TTLL5: variants seen among roughly 807,000 people sequenced by gnomAD.
TTLL5 encodes the protein tubulin tyrosine ligase like 5, also known as tubulin polyglutamylase TTLL5.
A neutral mutation model predicts 168.4 loss-of-function variants in TTLL5; 132 were observed. The ratio of observed to expected loss-of-function variants is 0.78; its 90% CI spans 0.68 to 0.91. The LOEUF (loss-of-function observed/expected upper bound fraction) is 0.91. Among genes scored for constraint, TTLL5 ranks in the 40% least tolerant of loss-of-function variants. The pLI is 0.00. For missense variants in TTLL5, 1,545 were observed against 1,581.5 expected (o/e 0.98, Z 0.39); for synonymous variants, 546 against 558.6 (o/e 0.98, Z 0.32).
chr14:75,832,922 C>T (rs1895660574), intron 28 of TTLL5, among the ~76,000 whole-genome samples: 1 of 152,166 alleles, frequency 6.6e-6, no homozygotes, highest in African/African-American at 2.4e-5. Context: ...CAGGCCCAGG[C>T]TGAGCTCTCT....
intron 30 of TTLL5, among the ~76,000 whole-genome samples, chr14:75,897,082 G>T (rs992509374): frequency 1.3e-5 from 2 of 152,138 alleles, no homozygotes; most frequent in Non-Finnish European, 2.9e-5. Context: ...GATATTATTT[G>T]TTTTTAATGC....
intron 6 of TTLL5, among the ~76,000 whole-genome samples, chr14:75,694,380 A>C (rs28446927): frequency 2.5e-3 from 385 of 152,296 alleles, no homozygotes; most frequent in African/African-American, 8.8e-3. Flanking sequence ...TCTATCGCCC[A>C]GGCTGGAGTG....
rs190648826 is a variant in TTLL5, at chr14:75,888,090, C to T, written c.3740+5188C>T. On this transcript the variant is annotated intron_variant, in intron 30 of 31. Transcript: ENST00000298832. The stretch of plus-strand genomic sequence containing the variant: ...GGCCTGAGGGTAGAAAGGACATGAG[C>T]GCCAGTCAGGAGCTCTGCCACTTAG... Among the ~76,000 whole-genome samples the T allele has an allele frequency of 2.2e-3, 330 of 152,230 alleles. 1 individual carries two copies. The highest frequency in any genetic ancestry group is 7.7e-3 in the African/African-American group (321 of 41,538).
In TTLL5 at chr14:75,734,316, T is replaced by G. The variant is rs2140237421; in HGVS notation, c.1186+266T>G. Among the ~76,000 whole-genome samples, 3 of 152,256 alleles carry G rather than the reference T, an allele frequency of 2.0e-5. No homozygotes were observed. In the South Asian group the frequency reaches 6.2e-4, roughly 32 times the overall value. On this transcript the variant is annotated intron_variant, in intron 14 of 31. Transcript: ENST00000298832. ...AGAATTAGCAAAGATCTGGAGAAAG[T>G]GTATTTTTCTCCAAGCTGGGAAAGT...
At chr14:75,852,533 T>G (rs1896915266) in intron 28 of TTLL5, among the ~76,000 whole-genome samples, 1 of 152,134 alleles carries the variant, frequency 6.6e-6, no homozygotes. Context: ...CTTTTCATGA[T>G]CTCTAACACC....
chr14:75,708,635 C>A (rs1440087015), intron 9 of TTLL5, among the ~76,000 whole-genome samples: 1 of 151,998 alleles, frequency 6.6e-6, no homozygotes, highest in African/African-American at 2.4e-5. Flanking sequence ...TGTTGAGGTG[C>A]TTTCTAAGTT....
intron 15 of TTLL5, 23 bp from the exon 16 acceptor site, chr14:75,745,072 T>C (rs1185880591): frequency 1.9e-6 from 3 of 1,604,298 alleles, no homozygotes; most frequent in Non-Finnish European, 1.7e-6. Flanking sequence ...TTTTTTTTAC[T>C]ATTTTCATTT....
chr14:75,723,009 G>T lies in TTLL5; in HGVS notation c.1042+2306G>T, dbSNP rs566973114. Among the ~76,000 whole-genome samples, 29 of 152,242 alleles carry T rather than the reference G, an allele frequency of 1.9e-4. No individual in the cohort carries two copies. The South Asian group carries it at 4.8e-3, about 25-fold the overall frequency. On this transcript the variant is annotated intron_variant, in intron 12 of 31. Coordinates refer to ENST00000298832, the MANE Select transcript of TTLL5 (RefSeq NM_015072.5). Reference sequence around the variant, plus strand: ...GCACTCTGTTTGTAACTCTACAATAGTATCTGTATGTTGTCTGGTAGTCAT... The same window carrying T: ...GCACTCTGTTTGTAACTCTACAATATTATCTGTATGTTGTCTGGTAGTCAT...
At chr14:75,929,196 A>G (rs1566665173) in intron 31 of TTLL5, among the ~76,000 whole-genome samples, 1 of 152,228 alleles carries the variant, frequency 6.6e-6, no homozygotes, top group Non-Finnish European at 1.5e-5. Flanking sequence ...GCAGCGTAGT[A>G]TAATGAAAAG....
chr14:75,666,079 T>C (rs1883238097), intron 2 of TTLL5, among the ~76,000 whole-genome samples: 1 of 152,258 alleles, frequency 6.6e-6, no homozygotes, highest in Non-Finnish European at 1.5e-5. Context: ...TAATCTTGTT[T>C]CATCAGCTTA....
At position 75,733,982 on chromosome 14, in the gene TTLL5, C is replaced by G; in HGVS notation, c.1125-7C>G. ...TCAATTGCTCTTTTCTTTCTCTGTTCTGTTAGTGATGCGCCTCTGGACCTA... is the reference window on the plus strand; with the variant it reads ...TCAATTGCTCTTTTCTTTCTCTGTTGTGTTAGTGATGCGCCTCTGGACCTA... On this transcript the variant is annotated splice_polypyrimidine_tract_variant and splice_region_variant and intron_variant, in intron 13 of 31. Coordinates refer to ENST00000298832, the MANE Select transcript of TTLL5 (RefSeq NM_015072.5). 1.2e-6 allele frequency: 2 copies of G among 1,613,722 alleles called. No homozygotes were observed.
chr14:75,773,231 G>C (rs562124008), intron 21 of TTLL5, among the ~76,000 whole-genome samples: 1 of 152,322 alleles, frequency 6.6e-6, no homozygotes, highest in South Asian at 2.1e-4. Context: ...AGTGGAAAAT[G>C]TTAGCTCTGC....
chr14:75,848,470 T>C (rs980223952), intron 28 of TTLL5, among the ~76,000 whole-genome samples: 2 of 152,134 alleles, frequency 1.3e-5, no homozygotes, highest in Non-Finnish European at 1.5e-5. Context: ...TTATGTGTGC[T>C]GATGTTACTG....
intron 15 of TTLL5, chr14:75,744,239 A>C (rs1298625327): frequency 6.6e-6 from 1 of 152,222 alleles, no homozygotes; most frequent in East Asian, 1.9e-4. Flanking sequence ...TGTACTTGGC[A>C]GATTTGTCTT....
intron 12 of TTLL5, among the ~76,000 whole-genome samples, chr14:75,727,320 A>G (rs535172815): frequency 1.3e-5 from 2 of 152,352 alleles, no homozygotes; most frequent in East Asian, 1.9e-4. Context: ...GGGTAAATAA[A>G]TTGTGGTATG....
chr14:75,798,040 C>G (rs189580564), intron 27 of TTLL5, among the ~76,000 whole-genome samples: 1 of 147,818 alleles, frequency 6.8e-6, no homozygotes, highest in East Asian at 2.0e-4. Flanking sequence ...TTCTTGAATG[C>G]CTGATGGAAT....
At chr14:75,892,428 T>C (rs755792222) in intron 30 of TTLL5, among the ~76,000 whole-genome samples, 2 of 152,200 alleles carry the variant, frequency 1.3e-5, no homozygotes, top group Non-Finnish European at 2.9e-5. Flanking sequence ...GAAAGTGCCC[T>C]ACAAGAGGAG....
intron 28 of TTLL5, chr14:75,835,478 C>T (rs1895817847): frequency 6.6e-6 from 1 of 152,210 alleles, no homozygotes; most frequent in South Asian, 2.1e-4. Context: ...CTATTTGTCA[C>T]CAGGTTGATG....
chr14:75,876,838 A>T (rs1169321052), intron 29 of TTLL5, among the ~76,000 whole-genome samples: 1 of 152,210 alleles, frequency 6.6e-6, no homozygotes, highest in East Asian at 1.9e-4. Context: ...CCTTGGCTGC[A>T]AGGTTTTTAC....
Sources: gnomAD v4.1 joint callset for allele counts (sites outside exome capture counted in the v4.1 genomes callset) on GRCh38, gnomAD v4.1.1 for gene constraint, MANE v1.5 for transcripts, NCBI Gene and HGNC (gene_info 2026-07-23, HGNC 2026-07-21) for gene names.